RBFOX1: variants seen among roughly 807,000 people sequenced by gnomAD.
The protein encoded by RBFOX1 is RNA binding fox-1 homolog 1.
RBFOX1 carries 8 observed loss-of-function variants against 57.7 expected under a neutral mutation model. That is an observed-to-expected ratio of 0.14 (90% confidence interval 0.08 to 0.25). RBFOX1 has a LOEUF of 0.25. Ranked by LOEUF, RBFOX1 falls within the 10% of genes least tolerant of loss-of-function variation. The probability of loss-of-function intolerance (pLI) is 1.00; values close to 1 mark genes in which losing one functional copy is unlikely to be tolerated. For missense variants in RBFOX1, 611 were observed against 548.5 expected (o/e 1.11, Z -1.14); for synonymous variants, 326 against 222.4 (o/e 1.47, Z -4.15).
chr16:5,801,024 G>C (rs1321841930), intron 3 of RBFOX1, among the ~76,000 whole-genome samples: 5 of 152,088 alleles, frequency 3.3e-5, no homozygotes, highest in Non-Finnish European at 7.4e-5. Flanking sequence ...TCTACCCCAG[G>C]AGCCCTCTGA....
At chr16:5,673,440 A>G (rs534104022) in intron 3 of RBFOX1, among the ~76,000 whole-genome samples, 1 of 152,102 alleles carries the variant, frequency 6.6e-6, no homozygotes, top group Admixed American at 6.5e-5. Context: ...ACTTCTGTGG[A>G]TTTCCTTCCT....
intron 10 of RBFOX1, among the ~76,000 whole-genome samples, chr16:7,613,071 T>C (rs1370180167): frequency 1.3e-5 from 2 of 152,110 alleles, no homozygotes; most frequent in Non-Finnish European, 2.9e-5. Context: ...ATCTAAGATA[T>C]AGTTAGGTCC....
chr16:6,869,274 A>G (rs1014212721), intron 3 of RBFOX1, among the ~76,000 whole-genome samples: 10 of 152,156 alleles, frequency 6.6e-5, no homozygotes, highest in African/African-American at 1.2e-4. Context: ...GTTTCTCATA[A>G]GAACCTTATC....
chr16:6,667,030 C>G (rs754016220), intron 3 of RBFOX1, among the ~76,000 whole-genome samples: 3 of 152,136 alleles, frequency 2.0e-5, no homozygotes, highest in Non-Finnish European at 2.9e-5. Context: ...CACAGGTTAA[C>G]TCTTTTACTA....
chr16:7,069,819 C>T (rs1000416572), intron 4 of RBFOX1, among the ~76,000 whole-genome samples: 1 of 152,174 alleles, frequency 6.6e-6, no homozygotes, highest in African/African-American at 2.4e-5. Context: ...TCCTCCTATC[C>T]ATGTCTCAAT....
intron 3 of RBFOX1, among the ~76,000 whole-genome samples, chr16:5,613,985 G>A (rs938503048): frequency 2.7e-5 from 4 of 149,496 alleles, no homozygotes; most frequent in Non-Finnish European, 4.4e-5. Flanking sequence ...ACCTAGGTCA[G>A]TTCCCTCCAC....
intron 3 of RBFOX1, among the ~76,000 whole-genome samples, chr16:5,851,351 A>C (rs2151865063): frequency 6.6e-6 from 1 of 152,152 alleles, no homozygotes; most frequent in East Asian, 1.9e-4. Flanking sequence ...CTGGAGGTTC[A>C]TTTCACCGTC....
chr16:5,368,098 A>G (rs1046067125), intron 1 of RBFOX1, among the ~76,000 whole-genome samples: 1 of 152,172 alleles, frequency 6.6e-6, no homozygotes, highest in Admixed American at 6.5e-5. Context: ...AGCCCATTAG[A>G]TTTGTCATAA....
chr16:7,118,631 C>T (rs1220369898), intron 4 of RBFOX1, among the ~76,000 whole-genome samples: 1 of 152,088 alleles, frequency 6.6e-6, no homozygotes, highest in Admixed American at 6.6e-5. Flanking sequence ...TATCTTATCA[C>T]CTCTGTCATA....
intron 1 of RBFOX1, among the ~76,000 whole-genome samples, chr16:6,255,440 T>C (rs989359379): frequency 1.3e-5 from 2 of 151,886 alleles, no homozygotes; most frequent in East Asian, 1.9e-4. Context: ...GAAATGCAAG[T>C]TGGTGTGAAG....
chr16:6,152,332 C>T (rs529672109), intron 1 of RBFOX1, among the ~76,000 whole-genome samples: 2 of 151,752 alleles, frequency 1.3e-5, no homozygotes, highest in African/African-American at 2.4e-5. Context: ...CTCTGTCTTT[C>T]TCTCTCTCTC....
At chr16:5,879,622 G>C (rs530001184) in intron 4 of RBFOX1, among the ~76,000 whole-genome samples, 2 of 152,126 alleles carry the variant, frequency 1.3e-5, no homozygotes, top group Non-Finnish European at 2.9e-5. Context: ...GAGCCACCAC[G>C]CCTGATCTAT....
intron 3 of RBFOX1, among the ~76,000 whole-genome samples, chr16:5,780,059 A>G (rs936414815): frequency 1.3e-5 from 2 of 152,230 alleles, no homozygotes; most frequent in African/African-American, 4.8e-5. Context: ...GCTGGAGTGT[A>G]GTGGCACAAT....
chr16:5,367,806 C>T (rs1305842102), intron 1 of RBFOX1, among the ~76,000 whole-genome samples: 1 of 152,096 alleles, frequency 6.6e-6, no homozygotes, highest in Non-Finnish European at 1.5e-5. Context: ...CAGAAAGTAA[C>T]ACAGTAGACT....
At chr16:6,816,846 A>G (rs1384025822) in intron 3 of RBFOX1, among the ~76,000 whole-genome samples, 1 of 152,076 alleles carries the variant, frequency 6.6e-6, no homozygotes, top group Non-Finnish European at 1.5e-5. Flanking sequence ...CTGGGCTCAA[A>G]CAGTCCTCCC....
At chr16:5,848,051 A>T (rs775152208) in intron 3 of RBFOX1, among the ~76,000 whole-genome samples, 2 of 152,130 alleles carry the variant, frequency 1.3e-5, no homozygotes, top group Non-Finnish European at 2.9e-5. Flanking sequence ...TGCATGGCAG[A>T]TGCACCTGAA....
intron 1 of RBFOX1, among the ~76,000 whole-genome samples, chr16:5,461,730 G>C (rs758466828): frequency 9.2e-5 from 14 of 152,172 alleles, no homozygotes; most frequent in Non-Finnish European, 1.9e-4. Context: ...GTAGTGAGGA[G>C]GAGATAGCCT....
intron 2 of RBFOX1, among the ~76,000 whole-genome samples, chr16:6,369,563 C>T (rs1282808818): frequency 6.6e-6 from 1 of 152,140 alleles, no homozygotes; most frequent in Non-Finnish European, 1.5e-5. Context: ...GTGAAGAGAT[C>T]TTTCCATGTC....
intron 2 of RBFOX1, among the ~76,000 whole-genome samples, chr16:6,567,550 T>A (rs915164110): frequency 6.6e-6 from 1 of 152,156 alleles, no homozygotes; most frequent in African/African-American, 2.4e-5. Flanking sequence ...TTATTACTAT[T>A]TCATTGTGTT....
Sources: gnomAD v4.1 joint callset for allele counts (sites outside exome capture counted in the v4.1 genomes callset) on GRCh38, gnomAD v4.1.1 for gene constraint, MANE v1.5 for transcripts, NCBI Gene and HGNC (gene_info 2026-07-23, HGNC 2026-07-21) for gene names.